FSD1L: variants seen among roughly 807,000 people sequenced by gnomAD.
The protein encoded by FSD1L is FSD1-like protein.
FSD1L carries 45 observed loss-of-function variants against 71.6 expected under a neutral mutation model. That is an observed-to-expected ratio of 0.63 (90% CI 0.49 to 0.81). FSD1L has a LOEUF of 0.81. Among genes scored for constraint, FSD1L ranks in the 30% least tolerant of loss-of-function variants. The pLI is 0.00. For synonymous variants in FSD1L, 197 were observed against 207.2 expected, an observed-to-expected ratio of 0.95 and a Z score of 0.42; for missense variants, 561 against 618.1, an observed-to-expected ratio of 0.91 and a Z score of 0.98.
rs150743950 is a variant in FSD1L, at chr9:105,459,285, T to C, written c.16-2235T>C. On this transcript the variant is annotated intron_variant, in intron 1 of 13. Transcript: ENST00000481272. ...GCTGTGGTGGTAGTTTTGTCTTAAA[T>C]ATTCTGATTCCTTGTAACTTGTTTT... Among the ~76,000 whole-genome samples the C allele has an allele frequency of 2.6e-3, 389 of 152,358 alleles. 2 individuals carry two copies. The highest frequency in any genetic ancestry group is 8.5e-3 in the African/African-American group (355 of 41,584).
chr9:105,523,027 A>G, intron 10 of FSD1L: 1 of 1,614,122 alleles, frequency 6.2e-7, no homozygotes, highest in Non-Finnish European at 8.5e-7. Context: ...CAAAAATTTG[A>G]CAATTTTGGC....
chr9:105,500,706 C>T (rs1402930545), intron 7 of FSD1L: 1 of 152,186 alleles, frequency 6.6e-6, no homozygotes, highest in Non-Finnish European at 1.5e-5. Flanking sequence ...TGTGGGGACA[C>T]TCCTATGACT....
intron 10 of FSD1L, chr9:105,521,395 C>G: frequency 6.2e-7 from 1 of 1,614,192 alleles, no homozygotes; most frequent in Non-Finnish European, 8.5e-7. Context: ...CCTAGCTCAT[C>G]TAGTCTCTGT....
In FSD1L at chr9:105,461,006, AG is replaced by A. The variant is rs556813778; in HGVS notation, c.16-512del. ...TGAGAAATGAGTGAAATTCTGGTAA[AG>A]GAAGTTGGTTGTAACATTTTAACTT... On this transcript the variant is annotated intron_variant, in intron 1 of 13. Coordinates refer to ENST00000481272, the MANE Select transcript of FSD1L (RefSeq NM_001145313.3). Among the ~76,000 whole-genome samples the A allele has an allele frequency of 7.8e-3, 1,192 of 152,364 alleles. 9 individuals carry two copies. The highest frequency in any genetic ancestry group is 0.02 in the Middle Eastern group (6 of 294).
chr9:105,498,190 T>TTTATTATTATTA (rs61620098), intron 7 of FSD1L, among the ~76,000 whole-genome samples: 9,856 of 143,326 alleles, frequency 0.069, 393 homozygotes, highest in Non-Finnish European at 0.094. Context: ...TTGCTTTGGC[T>TTTATTATTATTA]TTATTATTAT....
intron 1 of FSD1L, 40 bp from the exon 2 acceptor site, chr9:105,461,480 T>C (rs2131602145): frequency 1.0e-6 from 1 of 974,028 alleles, no homozygotes; most frequent in East Asian, 2.7e-5. Context: ...ACTTTTTTGA[T>C]GTGGCTGCTA....
At chr9:105,450,612 C>T (rs1829933593) in intron 1 of FSD1L, among the ~76,000 whole-genome samples, 1 of 150,858 alleles carries the variant, frequency 6.6e-6, no homozygotes, top group South Asian at 2.1e-4. Context: ...TGGCTTACTG[C>T]AACCTCCGCC....
rs1321891965 is a variant in FSD1L at position 105,490,902 on chromosome 9, A to C, written c.586+6400A>C. On this transcript the variant is annotated intron_variant, in intron 7 of 13. Coordinates refer to ENST00000481272, the MANE Select transcript of FSD1L (RefSeq NM_001145313.3). Reference sequence around the variant, plus strand: ...GTACCAGTACCATGCTGTTTTGGTTACTGTAGCCTTGTAGTATAGTTTGAA... The same window carrying C: ...GTACCAGTACCATGCTGTTTTGGTTCCTGTAGCCTTGTAGTATAGTTTGAA... 5.7e-4 allele frequency among the ~76,000 whole-genome samples: 82 copies of C among 143,318 alleles called. 1 individual carries two copies. Among genetic ancestry groups the C allele is most frequent in the African/African-American group, 1.9e-3 (71 of 38,192 alleles). 94.0% of individuals were successfully genotyped at this position (143,318 alleles called of 152,430 possible). A position where few individuals can be genotyped will look rare whatever the true frequency, so the allele number is the denominator to read the frequency against.
At chr9:105,527,355 A>G (rs1006220851) in intron 10 of FSD1L, among the ~76,000 whole-genome samples, 1 of 152,038 alleles carries the variant, frequency 6.6e-6, no homozygotes, top group African/African-American at 2.4e-5. Context: ...ATTTTCTGAT[A>G]TAAATATGTT....
intron 7 of FSD1L, among the ~76,000 whole-genome samples, chr9:105,493,399 C>T (rs1269726732): frequency 6.6e-6 from 1 of 152,072 alleles, no homozygotes; most frequent in Non-Finnish European, 1.5e-5. Context: ...TGTGTCTCTG[C>T]ACGTGAGATG....
At chr9:105,471,235 A>G (rs947243988) in intron 4 of FSD1L, among the ~76,000 whole-genome samples, 4 of 152,152 alleles carry the variant, frequency 2.6e-5, no homozygotes, top group African/African-American at 9.7e-5. Flanking sequence ...TCAACCCCCT[A>G]GCCATCCCTG....
chr9:105,486,452 A>C (rs1832554048), intron 7 of FSD1L, among the ~76,000 whole-genome samples: 1 of 152,178 alleles, frequency 6.6e-6, no homozygotes, highest in South Asian at 2.1e-4. Flanking sequence ...TTTTACTTTT[A>C]AGTAGAACAC....
intron 4 of FSD1L, among the ~76,000 whole-genome samples, chr9:105,471,055 T>C (rs1479804865): frequency 1.3e-5 from 2 of 152,166 alleles, no homozygotes; most frequent in African/African-American, 4.8e-5. Context: ...CCAGAGCAGC[T>C]CTAATTGTCT....
At chr9:105,459,672 A>C (rs1403933890) in intron 1 of FSD1L, among the ~76,000 whole-genome samples, 1 of 152,210 alleles carries the variant, frequency 6.6e-6, no homozygotes, top group Non-Finnish European at 1.5e-5. Context: ...ATTGGTTGCT[A>C]TGACTTTCTC....
the FSD1L span, among the ~76,000 whole-genome samples, chr9:105,442,291 G>A: frequency 5.3e-4 from 81 of 152,270 alleles, no homozygotes; most frequent in Non-Finnish European, 9.8e-4. Context: ...CCTTCCAAAC[G>A]TGAGTATAAT....
At chr9:105,447,952 CTCCACGGCTACT>C (rs1829718328), upstream of FSD1L, 1 of 533,192 alleles carries the variant, frequency 1.9e-6, no homozygotes, top group African/African-American at 2.0e-5. Flanking sequence ...GCTCCCCACC[CTCCACGGCTACT>C]TCCCGGGAGC....
chr9:105,485,084 C>G (rs1832448232), intron 7 of FSD1L, among the ~76,000 whole-genome samples: 1 of 152,010 alleles, frequency 6.6e-6, no homozygotes, highest in Admixed American at 6.6e-5. Context: ...TAGCCAAAAC[C>G]ATTTGTGATT....
intron 13 of FSD1L, among the ~76,000 whole-genome samples, chr9:105,542,094 G>A (rs914832001): frequency 3.9e-5 from 6 of 152,136 alleles, no homozygotes; most frequent in Non-Finnish European, 7.4e-5. Flanking sequence ...TTACATATGG[G>A]ATTTTCCCTT....
intron 11 of FSD1L, among the ~76,000 whole-genome samples, chr9:105,534,825 G>A (rs886684847): frequency 3.9e-5 from 6 of 152,088 alleles, no homozygotes; most frequent in East Asian, 1.9e-4. Context: ...TATATAAGCC[G>A]GGAGGGGGGA....
Sources: gnomAD v4.1 joint callset for allele counts (sites outside exome capture counted in the v4.1 genomes callset) on GRCh38, gnomAD v4.1.1 for gene constraint, MANE v1.5 for transcripts, NCBI Gene and HGNC (gene_info 2026-07-23, HGNC 2026-07-21) for gene names.